Variants in CPNE8 observed in about 807,000 individuals in gnomAD.
CPNE8 encodes copine 8, also known as copine-8.
CPNE8 carries 45 observed loss-of-function variants against 81.5 expected under a neutral mutation model. The observed-to-expected ratio is 0.55, with a 90% CI of 0.44 to 0.71. The LOEUF (loss-of-function observed/expected upper bound fraction) is 0.71. Among genes scored for constraint, CPNE8 ranks in the 30% least tolerant of loss-of-function variants. The probability of loss-of-function intolerance (pLI) is 0.00; values close to 1 mark genes in which losing one functional copy is unlikely to be tolerated. For missense variants in CPNE8, 594 were observed against 672.1 expected (o/e 0.88, Z 1.28); for synonymous variants, 252 against 226.3 (o/e 1.11, Z -1.02).
chr12:38,853,537 TTTTATTCA>T (rs1943681057), intron 3 of CPNE8, among the ~76,000 whole-genome samples: 1 of 152,116 alleles, frequency 6.6e-6, no homozygotes, highest in South Asian at 2.1e-4. Flanking sequence ...GAAACTATTC[TTTTATTCA>T]CCAAGTATGA....
intron 2 of CPNE8, among the ~76,000 whole-genome samples, chr12:38,874,122 A>G (rs924117539): frequency 6.6e-5 from 10 of 152,156 alleles, no homozygotes; most frequent in Non-Finnish European, 1.5e-5. Context: ...TAAAAAAAAA[A>G]GAAAAAAAAG....
At chr12:38,897,311 T>C (rs1436392743) in intron 1 of CPNE8, among the ~76,000 whole-genome samples, 1 of 152,108 alleles carries the variant, frequency 6.6e-6, no homozygotes, top group Non-Finnish European at 1.5e-5. Flanking sequence ...CCAAAATCCC[T>C]TTGAGAAGAT....
intron 4 of CPNE8, among the ~76,000 whole-genome samples, chr12:38,845,822 CTCT>C (rs1239120429): frequency 6.6e-6 from 1 of 152,084 alleles, no homozygotes; most frequent in African/African-American, 2.4e-5. Context: ...CTTGTTACTC[CTCT>C]TGATGATCTT....
intron 19 of CPNE8, among the ~76,000 whole-genome samples, chr12:38,661,099 C>G (rs965864123): frequency 1.3e-5 from 2 of 152,146 alleles, no homozygotes; most frequent in African/African-American, 4.8e-5. Context: ...CCAGCCATCC[C>G]ATTACTGGGT....
chr12:38,766,858 T>C (rs933670608), intron 8 of CPNE8, among the ~76,000 whole-genome samples: 3 of 152,140 alleles, frequency 2.0e-5, no homozygotes, highest in Non-Finnish European at 2.9e-5. Flanking sequence ...TAATTTTTTG[T>C]ATAGTAACTA....
At chr12:38,884,546 A>G (rs1287129530) in intron 1 of CPNE8, among the ~76,000 whole-genome samples, 1 of 152,202 alleles carries the variant, frequency 6.6e-6, no homozygotes, top group Admixed American at 6.5e-5. Context: ...TCTGGGGTAC[A>G]TACCTAACAG....
At chr12:38,671,165 C>A (rs759958486) in intron 18 of CPNE8, among the ~76,000 whole-genome samples, 1 of 152,078 alleles carries the variant, frequency 6.6e-6, no homozygotes, top group Non-Finnish European at 1.5e-5. Context: ...GATGTTAATC[C>A]ATCAAATTTT....
intron 16 of CPNE8, among the ~76,000 whole-genome samples, chr12:38,680,235 T>A (rs1290343253): frequency 6.6e-6 from 1 of 151,990 alleles, no homozygotes; most frequent in African/African-American, 2.4e-5. Flanking sequence ...TTTCAGCTTA[T>A]TATTAGTTCA....
At chr12:38,728,488 G>A (rs2136758659) in intron 11 of CPNE8, among the ~76,000 whole-genome samples, 1 of 152,200 alleles carries the variant, frequency 6.6e-6, no homozygotes, top group East Asian at 1.9e-4. Flanking sequence ...TGAGCTGGCA[G>A]AAGAAATAAT....
chr12:38,833,390 T>G (rs1159594847), intron 5 of CPNE8, among the ~76,000 whole-genome samples: 3 of 150,838 alleles, frequency 2.0e-5, no homozygotes, highest in Admixed American at 2.0e-4. Context: ...AAAGATACCT[T>G]TGGCTTTCTA....
At chr12:38,849,180 A>G (rs1943602512) in intron 3 of CPNE8, among the ~76,000 whole-genome samples, 1 of 152,056 alleles carries the variant, frequency 6.6e-6, no homozygotes, top group Non-Finnish European at 1.5e-5. Context: ...TTTCTGATTA[A>G]TCATGTTTTA....
At chr12:38,839,841 T>G in intron 5 of CPNE8, 75 bp downstream of exon 5, 1 of 1,304,212 alleles carries the variant, frequency 7.7e-7, no homozygotes, top group Non-Finnish European at 1.0e-6. Flanking sequence ...GATGTATAAC[T>G]TTAATATTAA....
intron 8 of CPNE8, among the ~76,000 whole-genome samples, chr12:38,766,074 G>C (rs547755972): frequency 1.3e-5 from 2 of 152,146 alleles, no homozygotes; most frequent in East Asian, 1.9e-4. Flanking sequence ...TGACCAGGAT[G>C]GTCTCGATCT....
At chr12:38,888,170 G>A (rs1944262647) in intron 1 of CPNE8, among the ~76,000 whole-genome samples, 1 of 152,124 alleles carries the variant, frequency 6.6e-6, no homozygotes, top group Non-Finnish European at 1.5e-5. Context: ...AAAATATATT[G>A]ATCATATGAC....
intron 6 of CPNE8, among the ~76,000 whole-genome samples, chr12:38,784,314 T>G (rs1054884018): frequency 6.6e-6 from 1 of 151,476 alleles, no homozygotes; most frequent in African/African-American, 2.4e-5. Flanking sequence ...AAACGGACAT[T>G]CAGAGAAGAC....
chr12:38,669,673 G>A (rs1396509021), intron 19 of CPNE8, among the ~76,000 whole-genome samples: 2 of 152,190 alleles, frequency 1.3e-5, no homozygotes, highest in Admixed American at 6.6e-5. Context: ...ACAAAGAGCA[G>A]ACAGTAAAAC....
Position 38,740,230 on chromosome 12 carries a change from AT to A in CPNE8, c.723-9873del, listed in dbSNP as rs1393561621. 4.0e-4 allele frequency among the ~76,000 whole-genome samples: 61 copies of A among 152,084 alleles called. 1 individual carries two copies. Among genetic ancestry groups the A allele is most frequent in the Admixed American group, 4.0e-3 (61 of 15,256 alleles). On this transcript the variant is annotated intron_variant, in intron 10 of 19. Transcript: ENST00000331366. ...TTATTGGTGTATAAGAATGCTTGTG[AT>A]TTTTGCACATTGATTTTGAATCCTG...
At chr12:38,787,558 C>T (rs1239174490) in intron 6 of CPNE8, among the ~76,000 whole-genome samples, 1 of 140,818 alleles carries the variant, frequency 7.1e-6, no homozygotes, top group Admixed American at 7.1e-5. Context: ...AAAGCAAGAG[C>T]AAATCAAACA....
chr12:38,866,255 T>TTAG (rs1943912022), intron 3 of CPNE8, among the ~76,000 whole-genome samples: 1 of 152,222 alleles, frequency 6.6e-6, no homozygotes, highest in African/African-American at 2.4e-5. Context: ...CAGGAAGTCT[T>TTAG]TATACATATT....
Sources: allele counts gnomAD v4.1 joint callset (sites outside exome capture counted in the v4.1 genomes callset), GRCh38; gene constraint gnomAD v4.1.1; transcripts MANE v1.5; gene names NCBI Gene and HGNC (gene_info 2026-07-23, HGNC 2026-07-21).